The following TP53BP2 variants were observed in gnomAD, a reference collection of about 807,000 sequenced individuals.
The protein encoded by TP53BP2 is apoptosis-stimulating of p53 protein 2.
A neutral mutation model predicts 126.2 loss-of-function variants in TP53BP2; 62 were observed. The observed-to-expected ratio is 0.49, with a 90% CI of 0.40 to 0.61. The LOEUF (loss-of-function observed/expected upper bound fraction) is 0.61, where lower values mean the gene tolerates loss of function less well. Among genes scored for constraint, TP53BP2 ranks in the 20% least tolerant of loss-of-function variants. The pLI, the probability that TP53BP2 is intolerant of heterozygous loss-of-function variation, is 0.00. For missense variants in TP53BP2, 1,215 were observed against 1,402.8 expected (o/e 0.87, Z 2.14); for synonymous variants, 485 against 502.9 (o/e 0.96, Z 0.48).
chr1:223,845,371 T>C, intron 1 of TP53BP2: 1 of 591,168 alleles, frequency 1.7e-6, no homozygotes, highest in Non-Finnish European at 2.1e-6. Context: ...AAAGTTTGAG[T>C]GGCTGCTGGG....
chr1:223,845,743 G>C lies in TP53BP2; in HGVS notation c.-63C>G, dbSNP rs1200170881. The C allele has an allele frequency of 3.0e-5, 43 of 1,449,774 alleles. No homozygotes were observed. Among genetic ancestry groups the C allele is most frequent in the Admixed American group, 4.8e-5 (2 of 41,836 alleles). The allele number at this position is 1,449,774 out of a possible 1,614,324, so 89.8% of individuals were successfully genotyped here. A position where few individuals can be genotyped will look rare whatever the true frequency, so the allele number is the denominator to read the frequency against. The stretch of plus-strand genomic sequence containing the variant: ...AGGTGCCCCGGAGGGTCGCGGATGC[G>C]GGGGAGGGGAGCGGAGAGCGAGGCC... On this transcript the variant is annotated 5_prime_UTR_variant, in exon 1 of 18. Transcript: ENST00000343537.
intron 11 of TP53BP2, among the ~76,000 whole-genome samples, chr1:223,798,930 G>A (rs1221362176): frequency 6.6e-6 from 1 of 152,090 alleles, no homozygotes; most frequent in Non-Finnish European, 1.5e-5. Context: ...AAATCAGCCA[G>A]GCATGGTGGC....
rs1222153357 is a variant in TP53BP2 at position 223,845,589 on chromosome 1, A to G, written c.27+65T>C. On this transcript the variant is annotated intron_variant, in intron 1 of 17. Transcript: ENST00000343537. ...TTCCCCGACGCGCCCGAGGGCGCGG[A>G]CCAGCCCCCGGCACGCGACCCCGCA... 2.0e-6 allele frequency: 3 copies of G among 1,485,784 alleles called. No homozygotes were observed. The East Asian group carries it at 8.6e-5, about 43-fold the overall frequency. The allele number at this position is 1,485,784 out of a possible 1,614,324, so 92.0% of individuals were successfully genotyped here.
Position 223,813,086 on chromosome 1 carries a change from G to C in TP53BP2, c.289+1154C>G, listed in dbSNP as rs1044720166. 1.1e-4 allele frequency among the ~76,000 whole-genome samples: 17 copies of C among 152,162 alleles called. 1 individual carries two copies. Among genetic ancestry groups the C allele is most frequent in the Admixed American group, 1.1e-3 (17 of 15,278 alleles). On this transcript the variant is annotated intron_variant, in intron 3 of 17. Transcript: ENST00000343537. ...GGTCACAGGGATGGCTGTGTCCCCA[G>C]TGTCTACTGCTGCTTCCCACCCACA...
intron 11 of TP53BP2, among the ~76,000 whole-genome samples, 178 bp downstream of exon 11, chr1:223,799,721 G>T (rs1233162828): frequency 6.6e-6 from 1 of 152,192 alleles, no homozygotes; most frequent in Non-Finnish European, 1.5e-5. Flanking sequence ...CCCACCGGGT[G>T]TGAGAGCACA....
At position 223,780,835 on chromosome 1, in the gene TP53BP2, A is replaced by C. The variant is rs1466058232; in HGVS notation, c.*18T>G. 6.2e-7 allele frequency: 1 copy of C among 1,612,422 alleles called. No individual in the cohort carries two copies. The highest frequency in any genetic ancestry group is 1.7e-5 in the Admixed American group (1 of 59,686). ...ACAGAGATTAATTCTTCATTGACTA[A>C]AATTCTGTGTGGAAGTTTCAGGCCA... On this transcript the variant is annotated 3_prime_UTR_variant, in exon 18 of 18. Transcript: ENST00000343537.
intron 3 of TP53BP2, among the ~76,000 whole-genome samples, chr1:223,811,147 G>A (rs936511604): frequency 6.6e-5 from 10 of 152,022 alleles, no homozygotes; most frequent in Admixed American, 2.0e-4. Context: ...TGGCTAAAAA[G>A]AATTTTTAAA....
intron 16 of TP53BP2, among the ~76,000 whole-genome samples, chr1:223,788,211 A>G (rs1269271831): frequency 6.6e-6 from 1 of 152,154 alleles, no homozygotes; most frequent in African/African-American, 2.4e-5. Flanking sequence ...ACAGAGGGAA[A>G]AGTTCAGCAG....
intron 1 of TP53BP2, among the ~76,000 whole-genome samples, chr1:223,830,970 C>T (rs1260866021): frequency 6.6e-6 from 1 of 151,840 alleles, no homozygotes; most frequent in Non-Finnish European, 1.5e-5. Flanking sequence ...TGGTGGCGGG[C>T]GCCTGTAGTC....
chr1:223,786,676 A>G (rs534871749), intron 16 of TP53BP2, among the ~76,000 whole-genome samples: 70 of 149,644 alleles, frequency 4.7e-4, no homozygotes, highest in East Asian at 1.8e-3. Flanking sequence ...GCGTGATCTC[A>G]GCTCACTGCA....
intron 13 of TP53BP2, among the ~76,000 whole-genome samples, chr1:223,795,110 G>A (rs1662272514): frequency 6.6e-6 from 1 of 152,224 alleles, no homozygotes; most frequent in African/African-American, 2.4e-5. Context: ...TGAGAGGATG[G>A]AAGCTTAAAT....
At chr1:223,791,411 A>T (rs1662151613) in intron 15 of TP53BP2, among the ~76,000 whole-genome samples, 1 of 151,768 alleles carries the variant, frequency 6.6e-6, no homozygotes, top group African/African-American at 2.4e-5. Flanking sequence ...TTCCCACAGT[A>T]GACACACATT....
intron 4 of TP53BP2, 146 bp downstream of exon 4, chr1:223,810,285 T>C (rs570788357): frequency 2.8e-5 from 15 of 535,136 alleles, no homozygotes; most frequent in African/African-American, 1.5e-4. Flanking sequence ...TTAAAATTAA[T>C]AGTTTCTATG....
At chr1:223,836,165 G>A (rs1439656647) in intron 1 of TP53BP2, among the ~76,000 whole-genome samples, 3 of 152,194 alleles carry the variant, frequency 2.0e-5, no homozygotes, top group African/African-American at 7.2e-5. Context: ...CCACGAATGT[G>A]CTGCAAAAAC....
intron 1 of TP53BP2, 78 bp downstream of exon 1, chr1:223,845,576 C>A (rs1664241522): frequency 1.6e-5 from 23 of 1,433,706 alleles, no homozygotes; most frequent in Non-Finnish European, 2.1e-5. Context: ...CCCCGACGCG[C>A]CCGAGGGCGC....
chr1:223,820,548 G>A (rs797021923), intron 2 of TP53BP2, among the ~76,000 whole-genome samples: 3 of 152,246 alleles, frequency 2.0e-5, no homozygotes, highest in African/African-American at 7.2e-5. Context: ...AGAAGTGGGG[G>A]CTCAGCTGAA....
intron 2 of TP53BP2, among the ~76,000 whole-genome samples, 173 bp from the exon 3 acceptor site, chr1:223,814,526 C>CCA (rs750836183): frequency 6.6e-6 from 1 of 152,140 alleles, no homozygotes; most frequent in Non-Finnish European, 1.5e-5. Context: ...CACAGATTTT[C>CCA]CACACACACA....
Position 223,798,646 on chromosome 1 carries a change from G to A in TP53BP2, c.1517C>T (p.Pro506Leu), listed in dbSNP as rs997920701. The change falls in exon 12 of 18, where the codon CCT becomes CTT. Residue 506 changes from proline to leucine, a missense_variant. Coordinates refer to ENST00000343537, the MANE Select transcript of TP53BP2 (RefSeq NM_001031685.3). ...VANKNVAKVP[P>L]PVPTKPKQIN... Reference sequence around the variant, plus strand: ...CTGTTTTGGTTTTGTAGGAACAGGAGGTGGTACTTTAGCCACATTTTTATT... The same window carrying A: ...CTGTTTTGGTTTTGTAGGAACAGGAAGTGGTACTTTAGCCACATTTTTATT... 1.2e-6 allele frequency: 2 copies of A among 1,611,468 alleles called. No homozygotes were observed. Among genetic ancestry groups the A allele is most frequent in the Non-Finnish European group, 1.7e-6 (2 of 1,178,628 alleles).
intron 16 of TP53BP2, 104 bp from the exon 17 acceptor site, chr1:223,784,418 C>T: frequency 9.5e-7 from 1 of 1,049,250 alleles, no homozygotes; most frequent in Non-Finnish European, 1.4e-6. Flanking sequence ...CAGGTACAGG[C>T]TGGAATGTTA....
Sources: gnomAD v4.1 joint callset for allele counts (sites outside exome capture counted in the v4.1 genomes callset) on GRCh38, gnomAD v4.1.1 for gene constraint, MANE v1.5 for transcripts, NCBI Gene and HGNC (gene_info 2026-07-23, HGNC 2026-07-21) for gene names.